Variants in POTEH observed in about 807,000 individuals in gnomAD.
POTEH encodes POTE ankyrin domain family member H.
POTEH carries 6 observed loss-of-function variants against 41.7 expected under a neutral mutation model. The ratio of observed to expected loss-of-function variants is 0.14; its 90% CI spans 0.08 to 0.28. The LOEUF is 0.28. POTEH is among the 10% of genes least tolerant of loss of function. POTEH has a pLI of 1.00. For synonymous variants in POTEH, 38 were observed against 179.9 expected (o/e 0.21, Z 6.31); for missense variants, 115 against 533.5 (o/e 0.22, Z 7.73).
intron 9 of POTEH, among the ~76,000 whole-genome samples, chr22:15,719,287 C>A (rs1321114680): frequency 6.6e-6 from 1 of 152,398 alleles, no homozygotes; most frequent in East Asian, 1.9e-4. Context: ...TCCCATCACC[C>A]CCAGATGGGA....
In POTEH at chr22:15,690,518, G is replaced by T. The variant is rs550458702; in HGVS notation, c.441G>T (p.Arg147Ser). 40 of 1,414,540 alleles carry T rather than the reference G, an allele frequency of 2.8e-5. 3 individuals carry two copies. In the South Asian group the frequency reaches 4.3e-4, roughly 15 times the overall value. 87.6% of individuals were successfully genotyped at this position (1,414,540 alleles called of 1,614,324 possible). ...GCTGCCACTGCTTCCCCTGCTGCAG[G>T]GGGAGCGGCAAGAACAAAGTGGGCC... The part of the protein sequence containing the change: ...KWCCHCFPCC[R>S]GSGKNKVGPW... Residue 147 changes from arginine (R) to serine (S), a missense_variant, in exon 1 of 11, where the codon AGG (arginine) becomes AGT (serine). Transcript: ENST00000343518.
intron 9 of POTEH, among the ~76,000 whole-genome samples, chr22:15,714,073 G>T (rs970730281): frequency 3.3e-5 from 5 of 151,904 alleles, no homozygotes; most frequent in African/African-American, 1.2e-4. Context: ...CAGTTGCTCT[G>T]CCAAAAACCT....
rs1191171493 is a variant in POTEH, at chr22:15,690,729, G to A, written c.632+20G>A. On this transcript the variant is annotated intron_variant, in intron 1 of 10. Coordinates refer to ENST00000343518, the MANE Select transcript of POTEH (RefSeq NM_001136213.1). ...AAAGAGGTAACCAGGCCTGGGCTGG[G>A]AGGAGGTGGGATGTGGGAGGATGAT... The A allele has an allele frequency of 7.1e-7, 1 of 1,401,110 alleles. No homozygotes were observed. Among genetic ancestry groups the A allele is most frequent in the South Asian group, 1.2e-5 (1 of 85,162 alleles). The allele number at this position is 1,401,110 out of a possible 1,614,324, so 86.8% of individuals were successfully genotyped here.
intron 7 of POTEH, among the ~76,000 whole-genome samples, chr22:15,708,895 G>A (rs1216266894): frequency 6.7e-6 from 1 of 148,318 alleles, no homozygotes; most frequent in African/African-American, 2.5e-5. Flanking sequence ...GAGTAATCAT[G>A]GCCAGTGATT....
At chr22:15,704,119 A>T (rs1370933700) in intron 6 of POTEH, among the ~76,000 whole-genome samples, 21 of 142,334 alleles carry the variant, frequency 1.5e-4, no homozygotes, top group Non-Finnish European at 2.8e-4. Context: ...GACATATGTG[A>T]TGAGGAATGA....
chr22:15,703,618 A>G lies in POTEH; in HGVS notation c.1237+862A>G, dbSNP rs1989606510. 1.4e-5 allele frequency among the ~76,000 whole-genome samples: 2 copies of G among 147,532 alleles called. 1 individual carries two copies. Among genetic ancestry groups the G allele is most frequent in the East Asian group, 4.3e-4 (2 of 4,688 alleles). On this transcript the variant is annotated intron_variant, in intron 6 of 10. Coordinates refer to ENST00000343518, the MANE Select transcript of POTEH (RefSeq NM_001136213.1). ...AATTGCCCAACTCTAGGCTCAGCAG[A>G]TTATCATAAAAGTAGAAAAATGTTT...
At chr22:15,719,530 A>AC in intron 9 of POTEH, 130 bp from the exon 10 acceptor site, 1 of 709,550 alleles carries the variant, frequency 1.4e-6, no homozygotes. Flanking sequence ...CAGATGTGAG[A>AC]CCCCTTTGCC....
rs1410040110 is a variant in POTEH, at chr22:15,717,270, G to A, written c.1521-2390G>A. On this transcript the variant is annotated intron_variant, in intron 9 of 10. Transcript: ENST00000343518. ...CTGCAGTAAACATATGTGTGCGGGT[G>A]TCTTTGTGAGAGTACGATTTCTTTT... Among the ~76,000 whole-genome samples the A allele has an allele frequency of 1.3e-4, 12 of 91,664 alleles. 3 individuals carry two copies. The highest frequency in any genetic ancestry group is 2.7e-4 in the Non-Finnish European group (11 of 41,502). 60.1% of individuals were successfully genotyped at this position (91,664 alleles called of 152,430 possible).
intron 9 of POTEH, among the ~76,000 whole-genome samples, chr22:15,714,416 A>T (rs1450204240): frequency 2.0e-5 from 3 of 152,098 alleles, no homozygotes; most frequent in Non-Finnish European, 4.4e-5. Context: ...AAAGGCAGTC[A>T]ACCATCTGGC....
rs1482734468 is a variant in POTEH at position 15,712,804 on chromosome 22, G to T, written c.1520+1770G>T. ...TATTTGATGAGTGTCAACTGTCCTA[G>T]AATTGGCTGATTTTTATCAAGCAAG... On this transcript the variant is annotated intron_variant, in intron 9 of 10. Transcript: ENST00000343518. Among the ~76,000 whole-genome samples the T allele has an allele frequency of 2.5e-4, 34 of 138,530 alleles. 1 individual carries two copies. The highest frequency in any genetic ancestry group is 8.5e-4 in the African/African-American group (31 of 36,440). The allele number at this position is 138,530 out of a possible 152,430, so 90.9% of individuals were successfully genotyped here. A position where few individuals can be genotyped will look rare whatever the true frequency, so the allele number is the denominator to read the frequency against.
At chr22:15,692,247 C>T (rs1989337475) in intron 1 of POTEH, among the ~76,000 whole-genome samples, 1 of 141,232 alleles carries the variant, frequency 7.1e-6, no homozygotes, top group Non-Finnish European at 1.6e-5. Flanking sequence ...CCTCGTGATC[C>T]ACCCACCTTG....
At chr22:15,692,319 A>G (rs2123824959) in intron 1 of POTEH, among the ~76,000 whole-genome samples, 1 of 146,502 alleles carries the variant, frequency 6.8e-6, no homozygotes, top group African/African-American at 2.5e-5. Flanking sequence ...TATGCAATAA[A>G]ATAAGCACAT....
At chr22:15,713,505 T>A (rs1244996611) in intron 9 of POTEH, among the ~76,000 whole-genome samples, 1 of 32,512 alleles carries the variant, frequency 3.1e-5, no homozygotes, top group Non-Finnish European at 6.6e-5. Context: ...TCTCATGACA[T>A]TTTTTTTTTT....
chr22:15,710,296 T>G (rs1333250162), intron 8 of POTEH, among the ~76,000 whole-genome samples: 1 of 152,272 alleles, frequency 6.6e-6, no homozygotes, highest in South Asian at 2.1e-4. Context: ...GGTTCCCATG[T>G]TTCAGTGAGC....
At position 15,690,728 on chromosome 22, in the gene POTEH, G is replaced by A. The variant is rs778367217; in HGVS notation, c.632+19G>A. 7.1e-7 allele frequency: 1 copy of A among 1,400,974 alleles called. No individual in the cohort carries two copies. Among genetic ancestry groups the A allele is most frequent in the African/African-American group, 1.5e-5 (1 of 66,154 alleles). The allele number at this position is 1,400,974 out of a possible 1,614,324, so 86.8% of individuals were successfully genotyped here. On this transcript the variant is annotated intron_variant, in intron 1 of 10. Transcript: ENST00000343518. Reference sequence around the variant, plus strand: ...AAAAGAGGTAACCAGGCCTGGGCTGGGAGGAGGTGGGATGTGGGAGGATGA... The same window carrying A: ...AAAAGAGGTAACCAGGCCTGGGCTGAGAGGAGGTGGGATGTGGGAGGATGA...
chr22:15,716,555 TCTG>T (rs1377763576), intron 9 of POTEH, among the ~76,000 whole-genome samples: 1 of 52,740 alleles, frequency 1.9e-5, no homozygotes, highest in Non-Finnish European at 4.0e-5. Context: ...GTTACAGTAT[TCTG>T]CTGGCAAATC....
chr22:15,693,112 A>G (rs1601494434), intron 1 of POTEH, among the ~76,000 whole-genome samples: 2 of 127,824 alleles, frequency 1.6e-5, no homozygotes, highest in East Asian at 4.1e-4. Context: ...GTACCTTGCT[A>G]TAGCAAGTGA....
chr22:15,699,058 T>A (rs1199347034), intron 4 of POTEH, among the ~76,000 whole-genome samples: 1 of 143,146 alleles, frequency 7.0e-6, no homozygotes. Context: ...TTAATTTTAG[T>A]TTACTTTATG....
intron 1 of POTEH, among the ~76,000 whole-genome samples, chr22:15,692,823 T>C (rs1162229051): frequency 7.7e-6 from 1 of 129,580 alleles, no homozygotes; most frequent in Non-Finnish European, 1.8e-5. Context: ...GGTACTTATA[T>C]AGTTGTTTAA....
Sources: gnomAD v4.1 joint callset for allele counts (sites outside exome capture counted in the v4.1 genomes callset) on GRCh38, gnomAD v4.1.1 for gene constraint, MANE v1.5 for transcripts, NCBI Gene and HGNC (gene_info 2026-07-23, HGNC 2026-07-21) for gene names.